Variants in FTCDNL1 observed in about 807,000 individuals in gnomAD.
FTCDNL1 encodes the protein formiminotransferase cyclodeaminase N-terminal like.
FTCDNL1 carries 11 observed loss-of-function variants against 5.9 expected under a neutral mutation model. The observed-to-expected ratio is 1.87, with a 90% CI of 1.18 to 3.10. FTCDNL1 has a LOEUF of 3.10. Among genes scored for constraint, FTCDNL1 ranks in the 30% most tolerant of loss-of-function variants. The pLI is 0.00. For synonymous variants in FTCDNL1, 58 were observed against 24.8 expected, an observed-to-expected ratio of 2.34 and a Z score of -3.99; for missense variants, 115 against 65.5, an observed-to-expected ratio of 1.76 and a Z score of -2.61.
chr2:199,769,708 T>C (rs1574459018), intron 3 of FTCDNL1, among the ~76,000 whole-genome samples: 1 of 152,216 alleles, frequency 6.6e-6, no homozygotes, highest in Non-Finnish European at 1.5e-5. Flanking sequence ...TCAGGTCTGG[T>C]TGTGGTCCCC....
intron 3 of FTCDNL1, among the ~76,000 whole-genome samples, chr2:199,768,769 T>C (rs1337452680): frequency 6.6e-6 from 1 of 152,180 alleles, no homozygotes; most frequent in Non-Finnish European, 1.5e-5. Flanking sequence ...AGAGTTCTAC[T>C]TGTATCATTA....
intron 3 of FTCDNL1, among the ~76,000 whole-genome samples, chr2:199,829,354 T>A (rs762438023): frequency 3.5e-4 from 54 of 152,224 alleles, no homozygotes; most frequent in Non-Finnish European, 7.3e-5. Context: ...TGACCTTATT[T>A]GCTATAAAAT....
chr2:199,760,908 A>C, intron 3 of FTCDNL1: 1 of 699,282 alleles, frequency 1.4e-6, no homozygotes, highest in South Asian at 1.5e-5. Context: ...TCTCCACTCA[A>C]CCCCCATTCC....
chr2:199,685,893 T>C, the FTCDNL1 span, among the ~76,000 whole-genome samples: 1 of 152,250 alleles, frequency 6.6e-6, no homozygotes, highest in South Asian at 2.1e-4. Context: ...TTTAACCTGA[T>C]GTGTTCCTAG....
chr2:199,816,343 G>A (rs1316352449), intron 4 of FTCDNL1, among the ~76,000 whole-genome samples: 2 of 152,124 alleles, frequency 1.3e-5, no homozygotes, highest in Non-Finnish European at 2.9e-5. Context: ...GCATATAGGG[G>A]AAAAGCTGTG....
the FTCDNL1 span, among the ~76,000 whole-genome samples, chr2:199,724,336 G>A: frequency 6.6e-6 from 1 of 152,046 alleles, no homozygotes; most frequent in Admixed American, 6.5e-5. Context: ...AAAAAACCCA[G>A]CTCCTGGATT....
intron 3 of FTCDNL1, among the ~76,000 whole-genome samples, chr2:199,840,154 T>C (rs1292628671): frequency 6.6e-6 from 1 of 152,184 alleles, no homozygotes; most frequent in Admixed American, 6.5e-5. Flanking sequence ...GAAGATGGAA[T>C]TGATAGAACC....
the FTCDNL1 span, among the ~76,000 whole-genome samples, chr2:199,745,701 T>G: frequency 6.6e-6 from 1 of 152,194 alleles, no homozygotes; most frequent in African/African-American, 2.4e-5. Context: ...CTATAACTTC[T>G]CCACAAGGAC....
At chr2:199,726,592 T>C in the FTCDNL1 span, among the ~76,000 whole-genome samples, 4 of 152,260 alleles carry the variant, frequency 2.6e-5, no homozygotes, top group African/African-American at 9.6e-5. Flanking sequence ...TTTTTGTTGA[T>C]ATTGTTGTTG....
intron 3 of FTCDNL1, among the ~76,000 whole-genome samples, chr2:199,762,196 T>G (rs1051104402): frequency 6.6e-6 from 1 of 152,140 alleles, no homozygotes; most frequent in Admixed American, 6.5e-5. Flanking sequence ...CTGCCCAATA[T>G]AGTGAAACCC....
chr2:199,704,743 T>A, the FTCDNL1 span, among the ~76,000 whole-genome samples: 1 of 151,824 alleles, frequency 6.6e-6, no homozygotes, highest in Non-Finnish European at 1.5e-5. Context: ...CCCCCACCCC[T>A]CACACACAGC....
rs955039666 is a variant in FTCDNL1, at chr2:199,851,045, G to A, written c.-313C>T. 3.3e-5 allele frequency: 5 copies of A among 149,504 alleles called. No individual in the cohort carries two copies. Among genetic ancestry groups the A allele is most frequent in the African/African-American group, 1.2e-4 (5 of 41,084 alleles). The allele number at this position is 149,504 out of a possible 1,614,324, so 9.3% of individuals were successfully genotyped here. Reference sequence around the variant, plus strand: ...TCTCGAACCAGCGGCCGCGCCTGCCGCTCTGCGGTTTGGGAGGGGAGCGGA... The same window carrying A: ...TCTCGAACCAGCGGCCGCGCCTGCCACTCTGCGGTTTGGGAGGGGAGCGGA... On this transcript the variant is annotated 5_prime_UTR_variant, in exon 1 of 5. Coordinates refer to ENST00000420128, the MANE Select transcript of FTCDNL1 (RefSeq NM_001363886.2).
At chr2:199,733,722 C>T in the FTCDNL1 span, among the ~76,000 whole-genome samples, 3 of 152,090 alleles carry the variant, frequency 2.0e-5, no homozygotes, top group Admixed American at 1.3e-4. Flanking sequence ...AAATGTGGTC[C>T]GCAGATCTGT....
chr2:199,721,076 T>G, the FTCDNL1 span, among the ~76,000 whole-genome samples: 2 of 152,204 alleles, frequency 1.3e-5, no homozygotes, highest in Non-Finnish European at 2.9e-5. Flanking sequence ...ATACAGTTCA[T>G]AAATTATCTG....
chr2:199,825,145 A>G (rs1701951090), intron 3 of FTCDNL1, among the ~76,000 whole-genome samples: 1 of 151,870 alleles, frequency 6.6e-6, no homozygotes, highest in Non-Finnish European at 1.5e-5. Context: ...CTCAAAAAAA[A>G]AAAAAGAAAA....
At chr2:199,765,692 C>T (rs1406436426) in intron 3 of FTCDNL1, among the ~76,000 whole-genome samples, 1 of 151,078 alleles carries the variant, frequency 6.6e-6, no homozygotes. Context: ...CAGGCGTACA[C>T]TATCATGCCT....
the FTCDNL1 span, among the ~76,000 whole-genome samples, chr2:199,731,544 T>G: frequency 1.6e-3 from 241 of 152,154 alleles, 1 homozygote; most frequent in Non-Finnish European, 1.6e-3. Flanking sequence ...GAATTTTGAG[T>G]TCACTGAACA....
exon 4 of FTCDNL1, chr2:199,760,680 T>C (rs1698227401): frequency 1.6e-6 from 1 of 628,622 alleles, no homozygotes; most frequent in Non-Finnish European, 3.0e-6. Flanking sequence ...TATGGTATAA[T>C]TTTCCATCTT....
intron 3 of FTCDNL1, among the ~76,000 whole-genome samples, chr2:199,796,704 C>A (rs2106383671): frequency 6.6e-6 from 1 of 152,022 alleles, no homozygotes; most frequent in South Asian, 2.1e-4. Flanking sequence ...GGATCAATGG[C>A]AAATTTACTC....
Sources: allele counts gnomAD v4.1 joint callset (sites outside exome capture counted in the v4.1 genomes callset), GRCh38; gene constraint gnomAD v4.1.1; transcripts MANE v1.5; gene names NCBI Gene and HGNC (gene_info 2026-07-23, HGNC 2026-07-21).